GRM1: variants seen among roughly 807,000 people sequenced by gnomAD.
The protein encoded by GRM1 is metabotropic glutamate receptor 1.
In GRM1, 33 loss-of-function variants were observed where a neutral mutation model predicts 90.9. The observed-to-expected ratio is 0.36, with a 90% CI of 0.28 to 0.49. The LOEUF is 0.49. Ranked by LOEUF, GRM1 falls within the 20% of genes least tolerant of loss-of-function variation. The probability of loss-of-function intolerance (pLI) is 0.99; values close to 1 mark genes in which losing one functional copy is unlikely to be tolerated. For missense variants in GRM1, 1,190 were observed against 1,534.3 expected (o/e 0.78, Z 3.75); for synonymous variants, 700 against 613.2 (o/e 1.14, Z -2.09).
At chr6:146,134,385 T>C (rs1018833437) in intron 1 of GRM1, among the ~76,000 whole-genome samples, 1 of 152,226 alleles carries the variant, frequency 6.6e-6, no homozygotes, top group African/African-American at 2.4e-5. Context: ...AACTCTCATA[T>C]GGTACTGTAT....
intron 2 of GRM1, among the ~76,000 whole-genome samples, chr6:146,233,767 A>G (rs1376742882): frequency 2.0e-5 from 3 of 152,094 alleles, no homozygotes; most frequent in Non-Finnish European, 4.4e-5. Context: ...TGAAATAATA[A>G]TATATCAAAC....
chr6:146,260,678 C>G (rs1036339983), intron 2 of GRM1, among the ~76,000 whole-genome samples: 2 of 152,008 alleles, frequency 1.3e-5, no homozygotes, highest in Admixed American at 1.3e-4. Context: ...TGTATCTCAT[C>G]TCCGTTTTGA....
chr6:146,115,856 G>A (rs1045419194), intron 1 of GRM1, among the ~76,000 whole-genome samples: 1 of 152,106 alleles, frequency 6.6e-6, no homozygotes, highest in Admixed American at 6.5e-5. Context: ...CAAACAAGTG[G>A]TCTGCAAAAT....
chr6:146,166,805 T>C (rs1432870269), intron 2 of GRM1, among the ~76,000 whole-genome samples: 1 of 152,130 alleles, frequency 6.6e-6, no homozygotes, highest in Non-Finnish European at 1.5e-5. Flanking sequence ...TAACCACTTA[T>C]CTGTCTACAT....
rs1284424656 is a variant in GRM1 at position 146,159,329 on chromosome 6, G to T, written c.701-19G>T. 6.2e-7 allele frequency: 1 copy of T among 1,614,000 alleles called. No individual in the cohort carries two copies. The highest frequency in any genetic ancestry group is 1.1e-5 in the South Asian group (1 of 91,068). On this transcript the variant is annotated intron_variant, in intron 1 of 7. Coordinates refer to ENST00000282753, the MANE Select transcript of GRM1 (RefSeq NM_001278064.2). ...ATTGCCACAGTTGTCTTGAACATCT[G>T]CTGATTGTTTCTGGACAGGGAATTA...
chr6:146,220,321 T>C (rs1393249284), intron 2 of GRM1, among the ~76,000 whole-genome samples: 1 of 152,096 alleles, frequency 6.6e-6, no homozygotes, highest in African/African-American at 2.4e-5. Context: ...ATGCCAAAAG[T>C]CACTTTATTT....
At chr6:146,058,919 A>G (rs142836021) in intron 1 of GRM1, among the ~76,000 whole-genome samples, 2,473 of 152,232 alleles carry the variant, frequency 0.016, 37 homozygotes, top group Non-Finnish European at 0.026. Context: ...TTCAGCCTCC[A>G]CTTCTAATTC....
chr6:146,069,475 A>C (rs767051078), intron 1 of GRM1, among the ~76,000 whole-genome samples: 2 of 152,200 alleles, frequency 1.3e-5, no homozygotes, highest in African/African-American at 4.8e-5. Context: ...AAAAATATAC[A>C]GATAAGGTTT....
chr6:146,075,553 A>G (rs1182348491), intron 1 of GRM1, among the ~76,000 whole-genome samples: 1 of 152,226 alleles, frequency 6.6e-6, no homozygotes, highest in African/African-American at 2.4e-5. Context: ...ATGAGGAGAT[A>G]GAATCTGCAT....
At chr6:146,089,214 A>G (rs556932258) in intron 1 of GRM1, among the ~76,000 whole-genome samples, 1 of 152,280 alleles carries the variant, frequency 6.6e-6, no homozygotes, top group East Asian at 1.9e-4. Flanking sequence ...GACCTACTAC[A>G]GGTAAACTTT....
rs1778609398 is a variant in GRM1, at chr6:146,436,849, C to T, written c.*2053C>T. ...TCTCAGCCAAAAATCATCTTAGAATCTTTAAATATCCATTGCATCATTTGT... is the reference window on the plus strand; with the variant it reads ...TCTCAGCCAAAAATCATCTTAGAATTTTTAAATATCCATTGCATCATTTGT... On this transcript the variant is annotated 3_prime_UTR_variant, in exon 8 of 8. Coordinates refer to ENST00000282753, the MANE Select transcript of GRM1 (RefSeq NM_001278064.2). 6.6e-6 allele frequency: 1 copy of T among 152,618 alleles called. No homozygotes were observed. The highest frequency in any genetic ancestry group is 1.5e-5 in the Non-Finnish European group (1 of 68,024). 9.5% of individuals were successfully genotyped at this position (152,618 alleles called of 1,614,324 possible).
At chr6:146,228,459 A>T (rs1780328666) in intron 2 of GRM1, among the ~76,000 whole-genome samples, 1 of 152,192 alleles carries the variant, frequency 6.6e-6, no homozygotes, top group African/African-American at 2.4e-5. Context: ...TAACAAATTA[A>T]TCCATTCCTG....
At chr6:146,151,544 T>C (rs1206153014) in intron 1 of GRM1, among the ~76,000 whole-genome samples, 1 of 152,222 alleles carries the variant, frequency 6.6e-6, no homozygotes, top group African/African-American at 2.4e-5. Context: ...TTTGCCATGA[T>C]GGCAGTTCGT....
At position 146,124,881 on chromosome 6, in the gene GRM1, T is replaced by C. The variant is rs112312438; in HGVS notation, c.701-34467T>C. On this transcript the variant is annotated intron_variant, in intron 1 of 7. Transcript: ENST00000282753. ...ACCACAGAGCTCTGGGAGAGAAACA[T>C]TGCTTAGGTTTCTTGAAATATGAAA... Among the ~76,000 whole-genome samples the C allele has an allele frequency of 5.9e-3, 897 of 152,262 alleles. 10 individuals are homozygous for C. The highest frequency in any genetic ancestry group is 0.021 in the African/African-American group (858 of 41,560).
In GRM1 at chr6:146,272,027, C is replaced by T. The variant is rs73577145; in HGVS notation, c.951-32584C>T. Among the ~76,000 whole-genome samples, 1,299 of 152,256 alleles carry T rather than the reference C, an allele frequency of 8.5e-3. 20 individuals are homozygous for T. Among genetic ancestry groups the T allele is most frequent in the African/African-American group, 0.03 (1,232 of 41,546 alleles). On this transcript the variant is annotated intron_variant, in intron 2 of 7. Transcript: ENST00000282753. ...AATCCTCCACGTTCCTGCATTTCAT[C>T]AGTGTTTTCAGTGTTCCAAGACTGT...
chr6:146,368,656 T>A (rs577140852), intron 5 of GRM1, among the ~76,000 whole-genome samples: 1 of 152,126 alleles, frequency 6.6e-6, no homozygotes, highest in East Asian at 1.9e-4. Context: ...CTTCATTATG[T>A]TGATGTGGTA....
chr6:146,069,070 G>A (rs1402108059), intron 1 of GRM1, among the ~76,000 whole-genome samples: 1 of 152,130 alleles, frequency 6.6e-6, no homozygotes, highest in Non-Finnish European at 1.5e-5. Flanking sequence ...TTTGATGTCA[G>A]TGGTCCCCAA....
At chr6:146,417,118 G>A (rs1032329854) in intron 7 of GRM1, among the ~76,000 whole-genome samples, 1 of 151,972 alleles carries the variant, frequency 6.6e-6, no homozygotes, top group African/African-American at 2.4e-5. Context: ...CTCTCTGCCT[G>A]GATTCTTAGT....
At chr6:146,034,307 A>G (rs1790806829) in intron 1 of GRM1, among the ~76,000 whole-genome samples, 1 of 151,998 alleles carries the variant, frequency 6.6e-6, no homozygotes, top group Non-Finnish European at 1.5e-5. Flanking sequence ...ATCAATGAAT[A>G]ATCTCTCTTT....
Sources: allele counts gnomAD v4.1 joint callset (sites outside exome capture counted in the v4.1 genomes callset), GRCh38; gene constraint gnomAD v4.1.1; transcripts MANE v1.5; gene names NCBI Gene and HGNC (gene_info 2026-07-23, HGNC 2026-07-21).